MEI4: variants seen among roughly 807,000 people sequenced by gnomAD.
MEI4 encodes the protein meiotic double-stranded break formation protein 4.
Under a neutral mutation model 31.4 loss-of-function variants are expected in MEI4, and 27 were observed. The observed-to-expected ratio is 0.86, with a 90% CI of 0.63 to 1.19. The LOEUF (loss-of-function observed/expected upper bound fraction) is 1.19. MEI4 is among the 50% of genes most tolerant of loss of function. MEI4 has a pLI of 0.00. For synonymous variants in MEI4, 122 were observed against 145.4 expected (o/e 0.84, Z 1.16); for missense variants, 329 against 398.9 (o/e 0.82, Z 1.49).
At chr6:77,657,063 G>A (rs1469548534) in intron 1 of MEI4, among the ~76,000 whole-genome samples, 1 of 152,150 alleles carries the variant, frequency 6.6e-6, no homozygotes, top group Admixed American at 6.5e-5. Flanking sequence ...AATTGCTGCT[G>A]TAAAAATCTT....
intron 4 of MEI4, among the ~76,000 whole-genome samples, chr6:77,918,896 G>A (rs1053648925): frequency 7.2e-5 from 11 of 152,032 alleles, no homozygotes; most frequent in Non-Finnish European, 1.3e-4. Context: ...TATGATATTG[G>A]CTGTGGGATT....
chr6:77,883,743 T>TATATATAA (rs1194476390), intron 4 of MEI4, among the ~76,000 whole-genome samples: 2 of 131,718 alleles, frequency 1.5e-5, no homozygotes, highest in African/African-American at 6.6e-5. Context: ...TATATATATA[T>TATATATAA]AACTTTGTCT....
At chr6:77,693,473 T>C (rs1231443433) in intron 2 of MEI4, among the ~76,000 whole-genome samples, 2 of 152,058 alleles carry the variant, frequency 1.3e-5, no homozygotes, top group Non-Finnish European at 2.9e-5. Flanking sequence ...ACCTAGGTGA[T>C]AGCTTGTTTT....
chr6:77,809,502 T>C (rs1454536656), intron 3 of MEI4, among the ~76,000 whole-genome samples: 1 of 152,108 alleles, frequency 6.6e-6, no homozygotes, highest in East Asian at 1.9e-4. Context: ...AGATTTCTCT[T>C]ATATTTAGAT....
chr6:77,921,687 C>T (rs1429240160), intron 4 of MEI4, among the ~76,000 whole-genome samples: 3 of 151,736 alleles, frequency 2.0e-5, no homozygotes, highest in Non-Finnish European at 4.4e-5. Flanking sequence ...CACTTGAACA[C>T]TTAGAGGCCA....
chr6:77,735,786 T>C (rs945479705), intron 2 of MEI4, among the ~76,000 whole-genome samples: 2 of 152,076 alleles, frequency 1.3e-5, no homozygotes, highest in Admixed American at 6.5e-5. Context: ...TGGTCTTTGA[T>C]GATGGTGACG....
chr6:77,828,858 G>A (rs1770015432), intron 3 of MEI4, 73 bp from the exon 4 acceptor site: 3 of 1,120,190 alleles, frequency 2.7e-6, no homozygotes, highest in Non-Finnish European at 3.4e-6. Flanking sequence ...ATTTAGCTCA[G>A]TAGTAAGGTC....
intron 2 of MEI4, among the ~76,000 whole-genome samples, chr6:77,755,661 C>T (rs543885552): frequency 6.6e-6 from 1 of 152,120 alleles, no homozygotes; most frequent in South Asian, 2.1e-4. Context: ...TCATGATCTG[C>T]CCACCTCGGA....
At chr6:77,790,787 A>G (rs1303870728) in intron 3 of MEI4, among the ~76,000 whole-genome samples, 2 of 152,066 alleles carry the variant, frequency 1.3e-5, no homozygotes, top group African/African-American at 4.8e-5. Context: ...CTAATAGAAC[A>G]TGGCGTTTTG....
At chr6:77,902,571 A>G (rs915067429) in intron 4 of MEI4, among the ~76,000 whole-genome samples, 2 of 152,092 alleles carry the variant, frequency 1.3e-5, no homozygotes. Flanking sequence ...TGTGAAAGGA[A>G]AATTAATCTT....
At position 77,690,707 on chromosome 6, in the gene MEI4, G is replaced by C; in HGVS notation, c.36G>C (p.Lys12Asn). 1.6e-6 allele frequency: 2 copies of C among 1,231,436 alleles called. No individual in the cohort carries two copies. The highest frequency in any genetic ancestry group is 2.0e-6 in the Non-Finnish European group (2 of 987,372). The allele number at this position is 1,231,436 out of a possible 1,614,324, so 76.3% of individuals were successfully genotyped here. A position where few individuals can be genotyped will look rare whatever the true frequency, so the allele number is the denominator to read the frequency against. Residue 12 changes from lysine to asparagine, a missense_variant, in exon 2 of 5, where the codon AAG becomes AAC. Coordinates refer to ENST00000684080, the MANE Select transcript of MEI4 (RefSeq NM_001322247.2). ...AAAAATGGTATTTGAGAACTTCAAAGCTGGCTCTGGCCTTGGCAATTATCC... is the reference window on the plus strand; with the variant it reads ...AAAAATGGTATTTGAGAACTTCAAACCTGGCTCTGGCCTTGGCAATTATCC... Reference protein sequence around the residue: ...DVQKWYLRTSKLALALAIIRS... With the variant: ...DVQKWYLRTSNLALALAIIRS...
chr6:77,823,084 T>C (rs1036414933), intron 3 of MEI4, among the ~76,000 whole-genome samples: 2 of 152,204 alleles, frequency 1.3e-5, no homozygotes, highest in Admixed American at 1.3e-4. Context: ...CAATTTTGTT[T>C]TGTCCTATTC....
chr6:77,789,120 C>T (rs574793140), intron 3 of MEI4, among the ~76,000 whole-genome samples: 40 of 152,172 alleles, frequency 2.6e-4, no homozygotes, highest in Middle Eastern at 3.4e-3. Context: ...AACTATCTGA[C>T]CTTTGACAAA....
At chr6:77,887,994 T>A (rs1771664952) in intron 4 of MEI4, among the ~76,000 whole-genome samples, 1 of 152,208 alleles carries the variant, frequency 6.6e-6, no homozygotes, top group Non-Finnish European at 1.5e-5. Flanking sequence ...TCTTCCTGAA[T>A]TCATTCCTTT....
chr6:77,747,411 G>A (rs2127676021), intron 2 of MEI4, among the ~76,000 whole-genome samples: 1 of 152,306 alleles, frequency 6.6e-6, no homozygotes, highest in East Asian at 1.9e-4. Flanking sequence ...TGGCTAGGGA[G>A]CCCTCAGGAA....
chr6:77,713,353 CAGA>C (rs1388274507), intron 2 of MEI4, among the ~76,000 whole-genome samples: 1 of 152,080 alleles, frequency 6.6e-6, no homozygotes, highest in Non-Finnish European at 1.5e-5. Flanking sequence ...TCCTTAGCAG[CAGA>C]AGAACCTAAG....
chr6:77,891,074 T>G (rs1771755193), intron 4 of MEI4, among the ~76,000 whole-genome samples: 1 of 152,210 alleles, frequency 6.6e-6, no homozygotes, highest in Non-Finnish European at 1.5e-5. Flanking sequence ...TTAGAATTAT[T>G]TGTCTTTTAC....
chr6:77,777,655 A>T (rs977699309), intron 3 of MEI4, among the ~76,000 whole-genome samples: 2 of 152,216 alleles, frequency 1.3e-5, no homozygotes, highest in Non-Finnish European at 1.5e-5. Flanking sequence ...GCTTCTAGTT[A>T]GCTTTCAGTC....
At chr6:77,682,480 T>C (rs566838301) in intron 1 of MEI4, among the ~76,000 whole-genome samples, 2 of 152,330 alleles carry the variant, frequency 1.3e-5, no homozygotes, top group East Asian at 3.9e-4. Flanking sequence ...TCAGTGGAAA[T>C]AGTGAAGAAA....
Sources: gnomAD v4.1 joint callset for allele counts (sites outside exome capture counted in the v4.1 genomes callset) on GRCh38, gnomAD v4.1.1 for gene constraint, MANE v1.5 for transcripts, NCBI Gene and HGNC (gene_info 2026-07-23, HGNC 2026-07-21) for gene names.